Variants in ZDHHC15 observed in about 807,000 individuals in gnomAD.
ZDHHC15 encodes palmitoyltransferase ZDHHC15.
Under a neutral mutation model 31.7 loss-of-function variants are expected in ZDHHC15, and 19 were observed. That is an observed-to-expected ratio of 0.60 (90% CI 0.42 to 0.88). The LOEUF (loss-of-function observed/expected upper bound fraction) is 0.88, where lower values mean the gene tolerates loss of function less well. Ranked by LOEUF, ZDHHC15 falls within the 40% of genes least tolerant of loss-of-function variation. ZDHHC15 has a pLI of 0.00. For missense variants in ZDHHC15, 209 were observed against 251.2 expected, an observed-to-expected ratio of 0.83 and a Z score of 1.14; for synonymous variants, 103 against 90.0, an observed-to-expected ratio of 1.14 and a Z score of -0.82.
chrX:75,425,196 T>C (rs1380453096), intron 7 of ZDHHC15, among the ~76,000 whole-genome samples: 1 of 108,153 alleles, frequency 9.2e-6, no homozygotes, highest in Non-Finnish European at 1.9e-5. Flanking sequence ...TAATGTTTCC[T>C]TGGGCATGCG....
At chrX:75,415,823 C>T (rs900619106) in intron 10 of ZDHHC15, among the ~76,000 whole-genome samples, 1 of 112,449 alleles carries the variant, frequency 8.9e-6, no homozygotes, top group Non-Finnish European at 1.9e-5. Context: ...TGATGTGATG[C>T]TATATCTACA....
intron 10 of ZDHHC15, among the ~76,000 whole-genome samples, chrX:75,392,917 C>T (rs2083262071): frequency 9.2e-6 from 1 of 108,902 alleles, no homozygotes; most frequent in African/African-American, 3.3e-5. Context: ...CTTCAGGAAG[C>T]ACTTCAGCAG....
At chrX:75,384,461 T>C in intron 10 of ZDHHC15, 1 of 808,737 alleles carries the variant, frequency 1.2e-6, no homozygotes, top group African/African-American at 2.0e-5. Context: ...AAAGGTGATA[T>C]TGTAGACATC....
intron 9 of ZDHHC15, among the ~76,000 whole-genome samples, chrX:75,419,396 T>C (rs182101190): frequency 0.014 from 1,560 of 111,580 alleles, 19 homozygotes; most frequent in African/African-American, 0.048. Flanking sequence ...AAAACCACAA[T>C]GAGTACCATC....
chrX:75,391,886 AAAT>A (rs2083246902), intron 10 of ZDHHC15, among the ~76,000 whole-genome samples: 1 of 112,244 alleles, frequency 8.9e-6, no homozygotes, highest in East Asian at 2.8e-4. Context: ...AACTGATCAA[AAAT>A]AACTATAACA....
At chrX:75,491,308 G>T (rs1341594124) in intron 2 of ZDHHC15, among the ~76,000 whole-genome samples, 1 of 109,563 alleles carries the variant, frequency 9.1e-6, no homozygotes, top group African/African-American at 3.3e-5. Flanking sequence ...AAAAAATGAT[G>T]AGTTCATGTC....
chrX:75,440,608 T>G (rs781708076), intron 4 of ZDHHC15, among the ~76,000 whole-genome samples: 6 of 112,484 alleles, frequency 5.3e-5, no homozygotes, highest in African/African-American at 1.6e-4. Flanking sequence ...TGTAATGGCT[T>G]GAGTTGGTTG....
chrX:75,505,443 A>T (rs2085143851), intron 2 of ZDHHC15, among the ~76,000 whole-genome samples: 1 of 110,886 alleles, frequency 9.0e-6, no homozygotes, highest in African/African-American at 3.3e-5. Flanking sequence ...TGAAGGAGTT[A>T]GCCTTTAAAG....
chrX:75,504,301 GT>G (rs1034192018), intron 2 of ZDHHC15, among the ~76,000 whole-genome samples: 2 of 111,149 alleles, frequency 1.8e-5, no homozygotes, highest in African/African-American at 6.5e-5. Context: ...TGCTTTTTGT[GT>G]TTTTTTGCCA....
In ZDHHC15 at chrX:75,489,604, C is replaced by T. The variant is rs745579252; in HGVS notation, c.164-10619G>A. 8.1e-5 allele frequency among the ~76,000 whole-genome samples: 9 copies of T among 111,720 alleles called. No individual in the cohort carries two copies. In the South Asian group the frequency reaches 3.4e-3, roughly 42 times the overall value. Reference sequence around the variant, plus strand: ...AAACCCATCTGTACATCACCATCATCAAAGACCAAAGGTAGATAAAACCAC... The same window carrying T: ...AAACCCATCTGTACATCACCATCATTAAAGACCAAAGGTAGATAAAACCAC... On this transcript the variant is annotated intron_variant, in intron 2 of 11. Transcript: ENST00000373367.
intron 10 of ZDHHC15, among the ~76,000 whole-genome samples, chrX:75,409,795 T>TAAAAAAAAA (rs1189768393): frequency 1.7e-4 from 6 of 35,520 alleles, no homozygotes; most frequent in African/African-American, 6.3e-4. Context: ...ACCCCATCTC[T>TAAAAAAAAA]AAAAAAAAAA....
chrX:75,415,897 T>C (rs1053569019), intron 10 of ZDHHC15, among the ~76,000 whole-genome samples: 5 of 112,369 alleles, frequency 4.4e-5, no homozygotes, highest in African/African-American at 1.6e-4. Context: ...TTGTGAATTA[T>C]TTCAAACCAG....
chrX:75,407,646 G>T (rs1432766035), intron 10 of ZDHHC15, among the ~76,000 whole-genome samples: 1 of 106,892 alleles, frequency 9.4e-6, no homozygotes, highest in Non-Finnish European at 2.0e-5. Context: ...GGGCGCCTCT[G>T]CCTGGCCACC....
At chrX:75,410,965 C>T (rs1426496464) in intron 10 of ZDHHC15, among the ~76,000 whole-genome samples, 1 of 111,652 alleles carries the variant, frequency 9.0e-6, no homozygotes, top group Non-Finnish European at 1.9e-5. Context: ...GAGGTTATTA[C>T]GTTAAGGAAA....
In ZDHHC15 at chrX:75,437,027, A is replaced by G. The variant is rs751948809; in HGVS notation, c.380-5507T>C. Among the ~76,000 whole-genome samples the G allele has an allele frequency of 1.1e-3, 117 of 110,535 alleles. 1 individual carries two copies. The highest frequency in any genetic ancestry group is 8.9e-3 in the Admixed American group (93 of 10,459). ...CTCCCGAGTAGCTGGGACTACAGGC[A>G]CCCACCACCATGCCCGGCTAATTTT... On this transcript the variant is annotated intron_variant, in intron 4 of 11. Coordinates refer to ENST00000373367, the MANE Select transcript of ZDHHC15 (RefSeq NM_144969.3).
chrX:75,428,933 A>T, intron 7 of ZDHHC15, 145 bp downstream of exon 7: 1 of 817,257 alleles, frequency 1.2e-6, no homozygotes, highest in Non-Finnish European at 1.7e-6. Flanking sequence ...TCAATATGGA[A>T]AACCTGTTTT....
intron 7 of ZDHHC15, among the ~76,000 whole-genome samples, chrX:75,426,432 T>C (rs996020057): frequency 2.7e-5 from 3 of 109,695 alleles, no homozygotes; most frequent in Non-Finnish European, 5.7e-5. Flanking sequence ...CTTGATAGAG[T>C]TCTTCTTAAA....
intron 3 of ZDHHC15, among the ~76,000 whole-genome samples, chrX:75,474,992 G>A (rs2084578488): frequency 9.0e-6 from 1 of 111,118 alleles, no homozygotes; most frequent in South Asian, 3.8e-4. Context: ...CCCGGAGGTG[G>A]AGCTTGCAGT....
At chrX:75,457,867 T>C (rs2084249629) in intron 3 of ZDHHC15, among the ~76,000 whole-genome samples, 1 of 111,781 alleles carries the variant, frequency 8.9e-6, no homozygotes, top group African/African-American at 3.3e-5. Flanking sequence ...TAGAGATGAT[T>C]TAAAATATGT....
Sources: allele counts gnomAD v4.1 joint callset (sites outside exome capture counted in the v4.1 genomes callset), GRCh38; gene constraint gnomAD v4.1.1; transcripts MANE v1.5; gene names NCBI Gene and HGNC (gene_info 2026-07-23, HGNC 2026-07-21).